Variants in TMEM132D observed in about 807,000 individuals in gnomAD.
TMEM132D encodes transmembrane protein 132D.
TMEM132D carries 21 observed loss-of-function variants against 62.3 expected under a neutral mutation model. The ratio of observed to expected loss-of-function variants is 0.34; its 90% CI spans 0.24 to 0.49. The LOEUF is 0.49. Among genes scored for constraint, TMEM132D ranks in the 20% least tolerant of loss-of-function variants. TMEM132D has a pLI of 0.99. For synonymous variants in TMEM132D, 621 were observed against 575.6 expected (o/e 1.08, Z -1.13); for missense variants, 1,346 against 1,402.8 (o/e 0.96, Z 0.65).
chr12:129,135,029 G>A (rs1876517627), intron 5 of TMEM132D, among the ~76,000 whole-genome samples: 2 of 152,266 alleles, frequency 1.3e-5, no homozygotes, highest in Admixed American at 1.3e-4. Context: ...TGTTGCTGGG[G>A]ACAGGTGGAG....
chr12:129,269,565 G>T (rs768533809), intron 4 of TMEM132D, among the ~76,000 whole-genome samples: 10 of 152,210 alleles, frequency 6.6e-5, no homozygotes, highest in Non-Finnish European at 1.5e-4. Flanking sequence ...GTGTTTGTGA[G>T]ATGTGAGGTA....
chr12:129,264,895 T>C (rs543209222), intron 4 of TMEM132D, among the ~76,000 whole-genome samples: 148 of 152,148 alleles, frequency 9.7e-4, no homozygotes, highest in African/African-American at 3.4e-3. Context: ...AATGATACAA[T>C]GGACTTTGGG....
At chr12:129,822,602 G>C (rs1593175673) in intron 1 of TMEM132D, among the ~76,000 whole-genome samples, 1 of 152,302 alleles carries the variant, frequency 6.6e-6, no homozygotes, top group East Asian at 1.9e-4. Context: ...AAATACCCGA[G>C]ACTGGATAAC....
At chr12:129,257,461 G>A (rs1401860125) in intron 4 of TMEM132D, among the ~76,000 whole-genome samples, 8 of 152,002 alleles carry the variant, frequency 5.3e-5, no homozygotes, top group South Asian at 2.1e-4. Flanking sequence ...TGCCCGCCTC[G>A]GCCTCCCAAA....
intron 5 of TMEM132D, among the ~76,000 whole-genome samples, chr12:129,133,464 G>A (rs1480464852): frequency 6.6e-6 from 1 of 152,226 alleles, no homozygotes; most frequent in Admixed American, 6.5e-5. Flanking sequence ...AACCTGGAGA[G>A]CACCATGCAG....
chr12:129,451,479 C>T (rs1873285590), intron 3 of TMEM132D, among the ~76,000 whole-genome samples: 1 of 152,068 alleles, frequency 6.6e-6, no homozygotes, highest in African/African-American at 2.4e-5. Context: ...GTTTGGGTAG[C>T]AATCACAGGG....
rs918842999 is a variant in TMEM132D at position 129,218,749 on chromosome 12, T to C, written c.1300-9086A>G. ...TTTCTTTAGCAAGTAGCAATCTCAG[T>C]CACCAAAGTGCAACTTGGACATCTT... is the stretch of plus-strand genomic sequence containing the variant. On this transcript the variant is annotated intron_variant, in intron 4 of 8. Transcript: ENST00000422113. Among the ~76,000 whole-genome samples the C allele has an allele frequency of 4.6e-5, 7 of 152,312 alleles. No individual in the cohort carries two copies. The East Asian group carries it at 9.7e-4, about 21-fold the overall frequency.
intron 1 of TMEM132D, among the ~76,000 whole-genome samples, chr12:129,814,394 G>A (rs1004910848): frequency 2.0e-5 from 3 of 152,034 alleles, no homozygotes; most frequent in Admixed American, 1.3e-4. Context: ...CAGGTCATCC[G>A]AGGTGGGAGT....
chr12:129,758,693 C>T (rs943867688), intron 1 of TMEM132D, among the ~76,000 whole-genome samples: 3 of 152,290 alleles, frequency 2.0e-5, no homozygotes, highest in Non-Finnish European at 4.4e-5. Context: ...GTTTAAAATA[C>T]TTCCAACCTA....
chr12:129,526,976 T>G (rs554518942), intron 3 of TMEM132D, among the ~76,000 whole-genome samples: 1 of 152,292 alleles, frequency 6.6e-6, no homozygotes, highest in East Asian at 1.9e-4. Context: ...AAGAAAAAAC[T>G]TCTGTCTTGT....
chr12:129,288,992 C>G (rs1378471024), intron 4 of TMEM132D, among the ~76,000 whole-genome samples: 1 of 152,082 alleles, frequency 6.6e-6, no homozygotes, highest in Non-Finnish European at 1.5e-5. Context: ...AGGACAAATA[C>G]TGTATGAATT....
At chr12:129,530,874 A>G (rs1417149096) in intron 3 of TMEM132D, among the ~76,000 whole-genome samples, 185 bp downstream of exon 3, 4 of 152,096 alleles carry the variant, frequency 2.6e-5, no homozygotes, top group Admixed American at 2.6e-4. Context: ...GTCTGCTGTG[A>G]ATAACAGCCC....
chr12:129,795,562 C>T (rs1390762269), intron 1 of TMEM132D, among the ~76,000 whole-genome samples: 1 of 152,218 alleles, frequency 6.6e-6, no homozygotes, highest in Non-Finnish European at 1.5e-5. Flanking sequence ...AGGCCTCATG[C>T]ATTCTGTTGT....
intron 2 of TMEM132D, among the ~76,000 whole-genome samples, chr12:129,664,968 A>T (rs662019): frequency 0.76 from 115,307 of 151,982 alleles, 44,151 homozygotes; most frequent in East Asian, 0.85. Flanking sequence ...TATCCCTATT[A>T]TGTGGTTGAG....
At chr12:129,838,488 G>A (rs781578618) in intron 1 of TMEM132D, among the ~76,000 whole-genome samples, 11 of 152,084 alleles carry the variant, frequency 7.2e-5, no homozygotes, top group Non-Finnish European at 1.3e-4. Flanking sequence ...TTAAATTTTA[G>A]ATTGCCTAAC....
chr12:129,315,355 G>C (rs547220033), intron 4 of TMEM132D, among the ~76,000 whole-genome samples: 2 of 152,144 alleles, frequency 1.3e-5, no homozygotes, highest in East Asian at 1.9e-4. Flanking sequence ...AATCATAAAG[G>C]GATGCTGAAT....
intron 3 of TMEM132D, among the ~76,000 whole-genome samples, chr12:129,484,663 TTC>T (rs1300126148): frequency 1.3e-5 from 2 of 152,204 alleles, no homozygotes; most frequent in Admixed American, 6.5e-5. Context: ...TCTTTCTTTC[TTC>T]TGTCTTCAGT....
At chr12:129,564,207 A>G (rs930432117) in intron 2 of TMEM132D, among the ~76,000 whole-genome samples, 4 of 152,198 alleles carry the variant, frequency 2.6e-5, no homozygotes, top group Non-Finnish European at 5.9e-5. Flanking sequence ...TCCAGGTGCT[A>G]ATTAAGGGCA....
intron 2 of TMEM132D, among the ~76,000 whole-genome samples, chr12:129,681,917 G>A (rs1880786919): frequency 6.6e-6 from 1 of 152,184 alleles, no homozygotes; most frequent in African/African-American, 2.4e-5. Flanking sequence ...ATGCTAATGT[G>A]TTTTTCACTT....
Sources: gnomAD v4.1 joint callset for allele counts (sites outside exome capture counted in the v4.1 genomes callset) on GRCh38, gnomAD v4.1.1 for gene constraint, MANE v1.5 for transcripts, NCBI Gene and HGNC (gene_info 2026-07-23, HGNC 2026-07-21) for gene names.